The following ENKUR variants were observed in gnomAD, a reference collection of about 807,000 sequenced individuals.
ENKUR encodes the protein enkurin.
In ENKUR, 19 loss-of-function variants were observed where a neutral mutation model predicts 27.6. That is an observed-to-expected ratio of 0.69 (90% CI 0.48 to 1.01). The LOEUF (loss-of-function observed/expected upper bound fraction) is 1.01. ENKUR is among the 50% of genes least tolerant of loss of function. The probability of loss-of-function intolerance (pLI) is 0.00; values close to 1 mark genes in which losing one functional copy is unlikely to be tolerated. For missense variants in ENKUR, 312 were observed against 310.5 expected (o/e 1.00, Z -0.04); for synonymous variants, 117 against 96.9 (o/e 1.21, Z -1.22).
intron 2 of ENKUR, among the ~76,000 whole-genome samples, chr10:25,027,143 T>G (rs1174337903): frequency 6.7e-6 from 1 of 148,876 alleles, no homozygotes; most frequent in African/African-American, 2.5e-5. Flanking sequence ...TCACCTGAAG[T>G]CAGGAGTTCG....
intron 2 of ENKUR, chr10:25,023,375 C>G: frequency 6.2e-7 from 1 of 1,614,174 alleles, no homozygotes; most frequent in Non-Finnish European, 8.5e-7. Context: ...TCAACCCACT[C>G]TCTTGTTGGA....
intron 3 of ENKUR, among the ~76,000 whole-genome samples, chr10:24,991,035 G>A (rs572695123): frequency 6.6e-6 from 1 of 152,310 alleles, no homozygotes. Context: ...GGGAGGCAGA[G>A]GTTACAGTGA....
upstream of ENKUR, chr10:25,016,222 C>T: frequency 9.0e-7 from 1 of 1,105,002 alleles, no homozygotes. Context: ...CAAACTAGGT[C>T]TCCCCTCTTC....
At chr10:25,019,305 C>A (rs1225089596), upstream of ENKUR, among the ~76,000 whole-genome samples, 1 of 152,198 alleles carries the variant, frequency 6.6e-6, no homozygotes, top group Non-Finnish European at 1.5e-5. Flanking sequence ...GAAACCCCCT[C>A]TCTACTAAAA....
intron 1 of ENKUR, among the ~76,000 whole-genome samples, chr10:25,061,650 G>T (rs1851329745): frequency 6.6e-6 from 1 of 152,154 alleles, no homozygotes; most frequent in African/African-American, 2.4e-5. Flanking sequence ...TTTCTCTTCA[G>T]ATTTTCCAAC....
At chr10:25,052,831 G>T (rs1260717641) in intron 2 of ENKUR, among the ~76,000 whole-genome samples, 1 of 151,638 alleles carries the variant, frequency 6.6e-6, no homozygotes, top group Non-Finnish European at 1.5e-5. Context: ...AAGCTGGAAT[G>T]CAATCTCAGT....
chr10:24,999,667 T>A, intron 1 of ENKUR, 121 bp from the exon 2 acceptor site: 1 of 930,748 alleles, frequency 1.1e-6, no homozygotes, highest in South Asian at 1.7e-5. Flanking sequence ...TGGAAAAGCA[T>A]AATCATAAAA....
At position 25,027,534 on chromosome 10, in the gene ENKUR, G is replaced by A. The variant is rs540042059; in HGVS notation, c.38-31665C>T. On this transcript the variant is annotated intron_variant, in intron 2 of 5. Coordinates refer to the ENKUR transcript ENST00000615958. ...GCCTGGGCAACAAGAGCAAAACTCCGTCTCCAAAAAAAAAAAAAAAGCATT... is the reference window on the plus strand; with the variant it reads ...GCCTGGGCAACAAGAGCAAAACTCCATCTCCAAAAAAAAAAAAAAAGCATT... Among the ~76,000 whole-genome samples the A allele has an allele frequency of 7.1e-4, 93 of 131,676 alleles. 2 individuals carry two copies. The South Asian group carries it at 0.025, about 35-fold the overall frequency. 86.4% of individuals were successfully genotyped at this position (131,676 alleles called of 152,430 possible).
At position 25,014,486 on chromosome 10, in the gene ENKUR, C is replaced by T. The variant is rs139499969; in HGVS notation, c.77+1374G>A. On this transcript the variant is annotated intron_variant, in intron 1 of 5. Transcript: ENST00000331161. ...TAATAGGGGCTCCATTAATGCTTGC[C>T]AAATGAATAAAGACTGTTCCTATAA... Among the ~76,000 whole-genome samples the T allele has an allele frequency of 3.4e-3, 508 of 151,258 alleles. 3 individuals carry two copies. The highest frequency in any genetic ancestry group is 4.7e-3 in the Non-Finnish European group (318 of 67,802).
intron 2 of ENKUR, among the ~76,000 whole-genome samples, chr10:25,028,606 C>T (rs1205125622): frequency 6.6e-6 from 1 of 152,130 alleles, no homozygotes; most frequent in Non-Finnish European, 1.5e-5. Flanking sequence ...TGTGAACATC[C>T]ACCTTTTTCC....
In ENKUR at chr10:25,016,156, T is replaced by A. The variant is rs562056422; in HGVS notation, c.-220A>T. ...CTCCGGATTGCTAAGCGTCGTTGAC[T>A]GTGCGGTTGCCGTGGAAACCGTTAC... On this transcript the variant is annotated 5_prime_UTR_variant, in exon 1 of 6. Transcript: ENST00000331161. 1 of 1,209,844 alleles carries A rather than the reference T, an allele frequency of 8.3e-7. No homozygotes were observed. Among genetic ancestry groups the A allele is most frequent in the Non-Finnish European group, 1.0e-6 (1 of 972,404 alleles). 74.9% of individuals were successfully genotyped at this position (1,209,844 alleles called of 1,614,324 possible).
chr10:25,028,752 C>T (rs940478378), intron 2 of ENKUR, among the ~76,000 whole-genome samples: 8 of 152,158 alleles, frequency 5.3e-5, no homozygotes, highest in African/African-American at 1.9e-4. Flanking sequence ...GCATTAAATA[C>T]CTAAGTATTC....
At chr10:25,055,007 G>C (rs1473568250) in intron 2 of ENKUR, among the ~76,000 whole-genome samples, 1 of 152,132 alleles carries the variant, frequency 6.6e-6, no homozygotes, top group Non-Finnish European at 1.5e-5. Context: ...TTGAGGTGAG[G>C]AAGAGAGGTT....
At chr10:24,985,454 T>C (rs1369165839) in intron 4 of ENKUR, among the ~76,000 whole-genome samples, 1 of 152,194 alleles carries the variant, frequency 6.6e-6, no homozygotes, top group Non-Finnish European at 1.5e-5. Context: ...CCTTTCAATA[T>C]ATTAGAAAGA....
At chr10:25,023,238 C>G in intron 2 of ENKUR, 1 of 1,611,474 alleles carries the variant, frequency 6.2e-7, no homozygotes, top group Non-Finnish European at 8.5e-7. Flanking sequence ...TCCACTTTAA[C>G]CGATGTCATC....
chr10:25,043,903 T>A (rs1851092887), intron 2 of ENKUR, among the ~76,000 whole-genome samples: 1 of 152,070 alleles, frequency 6.6e-6, no homozygotes, highest in African/African-American at 2.4e-5. Context: ...CTTTTTTTTT[T>A]TTTTAGTTCT....
chr10:25,024,142 G>C, intron 2 of ENKUR: 1 of 1,614,178 alleles, frequency 6.2e-7, no homozygotes, highest in Non-Finnish European at 8.5e-7. Flanking sequence ...AGACATACCT[G>C]CTGCCAGGTT....
At chr10:25,037,370 A>G (rs12242409) in intron 2 of ENKUR, among the ~76,000 whole-genome samples, 24,400 of 152,166 alleles carry the variant, frequency 0.16, 3,792 homozygotes, top group African/African-American at 0.41. Flanking sequence ...AAGTAGCTTT[A>G]TAGGATTTGG....
Position 24,999,403 on chromosome 10 carries a change from G to T in ENKUR, c.221C>A (p.Pro74His). ...AAATAAAGCATGATAAAACCTACTGGGTGGTAGAGTTTTTTCCTTTGAATG... is the reference window on the plus strand; with the variant it reads ...AAATAAAGCATGATAAAACCTACTGTGTGGTAGAGTTTTTTCCTTTGAATG... ...KKHSKEKTLPPKKNFDRNVPK... is the reference protein window; with the variant it reads ...KKHSKEKTLPHKKNFDRNVPK... The change falls in exon 2 of 6, where the codon CCC becomes CAC. Residue 74 changes from proline (P) to histidine (H), a missense_variant and splice_region_variant. By Grantham distance (77) the Pro-to-His change is moderately conservative. Transcript: ENST00000331161. 1 of 1,603,340 alleles carries T rather than the reference G, an allele frequency of 6.2e-7. No individual in the cohort carries two copies. Among genetic ancestry groups the T allele is most frequent in the Non-Finnish European group, 8.5e-7 (1 of 1,177,232 alleles).
Sources: gnomAD v4.1 joint callset for allele counts (sites outside exome capture counted in the v4.1 genomes callset) on GRCh38, gnomAD v4.1.1 for gene constraint, MANE v1.5 for transcripts, NCBI Gene and HGNC (gene_info 2026-07-23, HGNC 2026-07-21) for gene names.